TTLL5: variants seen among roughly 807,000 people sequenced by gnomAD.
TTLL5 encodes the protein tubulin tyrosine ligase like 5, also known as tubulin polyglutamylase TTLL5.
In TTLL5, 132 loss-of-function variants were observed where a neutral mutation model predicts 168.4. The observed-to-expected ratio is 0.78, with a 90% CI of 0.68 to 0.91. TTLL5 has a LOEUF of 0.91. TTLL5 is among the 40% of genes least tolerant of loss of function. The probability of loss-of-function intolerance (pLI) is 0.00; values close to 1 mark genes in which losing one functional copy is unlikely to be tolerated. For synonymous variants in TTLL5, 546 were observed against 558.6 expected (o/e 0.98, Z 0.32); for missense variants, 1,545 against 1,581.5 (o/e 0.98, Z 0.39).
intron 31 of TTLL5, among the ~76,000 whole-genome samples, chr14:75,952,147 A>G (rs1008976706): frequency 1.3e-4 from 20 of 152,346 alleles, no homozygotes; most frequent in Non-Finnish European, 2.4e-4. Flanking sequence ...TGTTTTGCCA[A>G]TGAAGATATA....
rs754224109 is a variant in TTLL5, at chr14:75,719,757, G to A, written c.865G>A (p.Asp289Asn). ...TAGTTGTGACGATCCAGAAGTGGAG[G>A]ATTATGGAAACAAATGGAGCATGAG... Reference protein sequence around the residue: ...YVSCDDPEVEDYGNKWSMSAM... With the variant: ...YVSCDDPEVENYGNKWSMSAM... Residue 289 changes from aspartate (D) to asparagine (N), a missense_variant, in exon 11 of 32, where the codon GAT becomes AAT. Coordinates refer to ENST00000298832, the MANE Select transcript of TTLL5 (RefSeq NM_015072.5). The A allele has an allele frequency of 6.2e-7, 1 of 1,612,188 alleles. No individual in the cohort carries two copies. The highest frequency in any genetic ancestry group is 1.1e-5 in the South Asian group (1 of 90,626).
rs763345828 is a variant in TTLL5, at chr14:75,764,763, A to G, written c.1699A>G (p.Lys567Glu). The G allele has an allele frequency of 5.0e-6, 8 of 1,614,122 alleles. No individual in the cohort carries two copies. The highest frequency in any genetic ancestry group is 2.2e-5 in the East Asian group (1 of 44,886). ...RSSRLRAMRP[K>E]YPVITQPAEM... ...TAGCAGATTGAGGGCAATGAGGCCAAAATACCCAGGTACCTGCTGGTGAGC... is the reference window on the plus strand; with the variant it reads ...TAGCAGATTGAGGGCAATGAGGCCAGAATACCCAGGTACCTGCTGGTGAGC... Residue 567 changes from lysine to glutamate, a missense_variant, in exon 19 of 32, where the codon AAA becomes GAA. Transcript: ENST00000298832.
At chr14:75,779,334 G>A (rs1024925515) in intron 23 of TTLL5, among the ~76,000 whole-genome samples, 4 of 152,112 alleles carry the variant, frequency 2.6e-5, no homozygotes, top group South Asian at 2.1e-4. Flanking sequence ...CTGAGTAGTC[G>A]CTACCATATT....
At chr14:75,796,577 A>G (rs920927522) in intron 27 of TTLL5, among the ~76,000 whole-genome samples, 81 of 152,184 alleles carry the variant, frequency 5.3e-4, no homozygotes, top group African/African-American at 1.8e-3. Context: ...TAAGTCTTTC[A>G]TCTATCTTGA....
At chr14:75,723,331 G>T (rs992699404) in intron 12 of TTLL5, among the ~76,000 whole-genome samples, 8 of 152,086 alleles carry the variant, frequency 5.3e-5, no homozygotes, top group African/African-American at 1.9e-4. Flanking sequence ...TGCTTTAATT[G>T]CTTTTTGGTG....
At chr14:75,915,947 G>A (rs1435868793) in intron 31 of TTLL5, among the ~76,000 whole-genome samples, 1 of 151,888 alleles carries the variant, frequency 6.6e-6, no homozygotes, top group South Asian at 2.1e-4. Flanking sequence ...GGGCAACACA[G>A]TGAAACACCG....
intron 28 of TTLL5, among the ~76,000 whole-genome samples, chr14:75,840,194 T>A (rs1896142319): frequency 6.6e-6 from 1 of 152,208 alleles, no homozygotes; most frequent in Non-Finnish European, 1.5e-5. Flanking sequence ...TTGTAATAGT[T>A]ATAGCTTTTA....
intron 27 of TTLL5, among the ~76,000 whole-genome samples, chr14:75,816,198 GC>G (rs1319167983): frequency 1.3e-5 from 2 of 152,240 alleles, no homozygotes; most frequent in African/African-American, 4.8e-5. Flanking sequence ...GGAGGCCAAG[GC>G]GGGTAGACCA....
intron 31 of TTLL5, among the ~76,000 whole-genome samples, chr14:75,922,995 A>G (rs1024471737): frequency 6.6e-6 from 1 of 152,146 alleles, no homozygotes; most frequent in African/African-American, 2.4e-5. Context: ...CATTTCTTCT[A>G]GATTTTCTAG....
intron 27 of TTLL5, among the ~76,000 whole-genome samples, chr14:75,806,875 C>T (rs1337921954): frequency 2.0e-5 from 3 of 152,086 alleles, no homozygotes; most frequent in South Asian, 2.1e-4. Flanking sequence ...GCACTCAGTA[C>T]GTATTTTTTG....
In TTLL5 at chr14:75,738,426, A is replaced by G. The variant is rs118153924; in HGVS notation, c.1281+3137A>G. Among the ~76,000 whole-genome samples, 646 of 152,308 alleles carry G rather than the reference A, an allele frequency of 4.2e-3. 3 individuals carry two copies. Among genetic ancestry groups the G allele is most frequent in the Middle Eastern group, 0.031 (9 of 294 alleles). ...TGGTAAGCTTGAATGCTTGACATGTAACTTTTCTTAGCTACTGTTTCTGAT... is the reference window on the plus strand; with the variant it reads ...TGGTAAGCTTGAATGCTTGACATGTGACTTTTCTTAGCTACTGTTTCTGAT... On this transcript the variant is annotated intron_variant, in intron 15 of 31. Coordinates refer to ENST00000298832, the MANE Select transcript of TTLL5 (RefSeq NM_015072.5).
chr14:75,841,958 A>G (rs555223837), intron 28 of TTLL5, among the ~76,000 whole-genome samples: 2 of 152,288 alleles, frequency 1.3e-5, no homozygotes, highest in East Asian at 3.9e-4. Flanking sequence ...TGACTTAAAT[A>G]TTTTTAACCA....
chr14:75,947,384 G>T (rs138106645), intron 31 of TTLL5, among the ~76,000 whole-genome samples: 1 of 152,220 alleles, frequency 6.6e-6, no homozygotes, highest in African/African-American at 2.4e-5. Context: ...AGGCAAAAAA[G>T]CATAACAAGA....
intron 29 of TTLL5, among the ~76,000 whole-genome samples, chr14:75,872,014 A>T (rs576266365): frequency 1.2e-3 from 183 of 152,374 alleles, no homozygotes; most frequent in Non-Finnish European, 2.0e-3. Flanking sequence ...GGGCCCTGAT[A>T]TACAAATAAT....
At chr14:75,765,549 A>G (rs1168650213) in intron 19 of TTLL5, among the ~76,000 whole-genome samples, 1 of 152,074 alleles carries the variant, frequency 6.6e-6, no homozygotes, top group Non-Finnish European at 1.5e-5. Context: ...TTTAATGAAG[A>G]TTATTAATAG....
intron 28 of TTLL5, among the ~76,000 whole-genome samples, chr14:75,825,395 G>A (rs1295396550): frequency 6.6e-6 from 1 of 152,100 alleles, no homozygotes; most frequent in Non-Finnish European, 1.5e-5. Context: ...GCCAACAAGA[G>A]ACTCTTCCTT....
chr14:75,906,711 T>C, intron 31 of TTLL5: 1 of 985,828 alleles, frequency 1.0e-6, no homozygotes, highest in Non-Finnish European at 1.2e-6. Flanking sequence ...TTTTTATCAT[T>C]TTCACTTGCT....
intron 31 of TTLL5, chr14:75,904,052 T>C: frequency 2.5e-6 from 3 of 1,194,082 alleles, no homozygotes; most frequent in Admixed American, 3.7e-5. Context: ...CCTCATAACC[T>C]TTTCTCTTTC....
intron 24 of TTLL5, among the ~76,000 whole-genome samples, chr14:75,781,436 C>G (rs776256807): frequency 1.3e-5 from 2 of 152,018 alleles, no homozygotes; most frequent in East Asian, 3.9e-4. Flanking sequence ...GGAGAAAATT[C>G]GTATGTCTTT....
Sources: gnomAD v4.1 joint callset for allele counts (sites outside exome capture counted in the v4.1 genomes callset) on GRCh38, gnomAD v4.1.1 for gene constraint, MANE v1.5 for transcripts, NCBI Gene and HGNC (gene_info 2026-07-23, HGNC 2026-07-21) for gene names.